CCDC30: variants seen among roughly 807,000 people sequenced by gnomAD.
CCDC30 encodes coiled-coil domain-containing protein 30.
CCDC30 carries 70 observed loss-of-function variants against 100.2 expected under a neutral mutation model. The ratio of observed to expected loss-of-function variants is 0.70; its 90% confidence interval spans 0.58 to 0.85. The LOEUF (loss-of-function observed/expected upper bound fraction) is 0.85, where lower values mean the gene tolerates loss of function less well. Among genes scored for constraint, CCDC30 ranks in the 40% least tolerant of loss-of-function variants. The pLI is 0.00. For synonymous variants in CCDC30, 233 were observed against 269.5 expected, an observed-to-expected ratio of 0.86 and a Z score of 1.33; for missense variants, 652 against 771.2, an observed-to-expected ratio of 0.85 and a Z score of 1.83.
chr1:42,480,991 G>C (rs745837940), intron 2 of CCDC30, among the ~76,000 whole-genome samples: 1 of 151,858 alleles, frequency 6.6e-6, no homozygotes, highest in Non-Finnish European at 1.5e-5. Flanking sequence ...GTGTGGTGTA[G>C]TTCCAGTTAC....
At chr1:42,506,979 T>G (rs1644404500) in intron 6 of CCDC30, among the ~76,000 whole-genome samples, 1 of 152,178 alleles carries the variant, frequency 6.6e-6, no homozygotes, top group South Asian at 2.1e-4. Flanking sequence ...CAGGCTGGAG[T>G]GCAATGGTGC....
intron 11 of CCDC30, among the ~76,000 whole-genome samples, chr1:42,635,584 C>T (rs1422033869): frequency 6.6e-6 from 1 of 150,972 alleles, no homozygotes; most frequent in Non-Finnish European, 1.5e-5. Context: ...CCAAGGCGGG[C>T]AGATCACGAG....
chr1:42,586,469 C>A (rs144396295), intron 9 of CCDC30, among the ~76,000 whole-genome samples: 199 of 151,882 alleles, frequency 1.3e-3, no homozygotes, highest in African/African-American at 4.6e-3. Context: ...ACATGCCCAG[C>A]TAATTAAAAA....
chr1:42,541,106 TTCTC>T (rs1313882929), intron 6 of CCDC30, among the ~76,000 whole-genome samples: 3 of 152,202 alleles, frequency 2.0e-5, no homozygotes, highest in African/African-American at 7.2e-5. Flanking sequence ...AAATATTTAT[TTCTC>T]TCAGTTCTAG....
chr1:42,468,036 T>A (rs1054318508), intron 1 of CCDC30, among the ~76,000 whole-genome samples: 1 of 152,246 alleles, frequency 6.6e-6, no homozygotes, highest in Non-Finnish European at 1.5e-5. Flanking sequence ...AGACTGTTAA[T>A]GGCTGTGTAG....
the CCDC30 span, chr1:42,457,033 G>GC: frequency 1.2e-6 from 2 of 1,601,494 alleles, no homozygotes; most frequent in Non-Finnish European, 1.7e-6. Flanking sequence ...CGGACTATTT[G>GC]CATCTGTTGC....
intron 14 of CCDC30, among the ~76,000 whole-genome samples, chr1:42,645,375 T>A (rs758325390): frequency 6.6e-6 from 1 of 151,726 alleles, no homozygotes; most frequent in Non-Finnish European, 1.5e-5. Context: ...GCAATTATGT[T>A]CCAAAAGTCC....
chr1:42,471,295 A>G (rs1199880858), intron 1 of CCDC30, among the ~76,000 whole-genome samples: 4 of 151,860 alleles, frequency 2.6e-5, no homozygotes, highest in Admixed American at 1.3e-4. Context: ...AGACTCCCCT[A>G]CTCCACCCCT....
At chr1:42,526,317 C>T (rs1193976789) in intron 6 of CCDC30, among the ~76,000 whole-genome samples, 1 of 152,074 alleles carries the variant, frequency 6.6e-6, no homozygotes, top group Non-Finnish European at 1.5e-5. Context: ...AAAATCTCAT[C>T]CTCATTATTC....
intron 8 of CCDC30, among the ~76,000 whole-genome samples, chr1:42,579,023 G>C: frequency 6.6e-6 from 1 of 151,840 alleles, no homozygotes; most frequent in Non-Finnish European, 1.5e-5. Flanking sequence ...ACAGAGTCTC[G>C]CTCTGTCACC....
At chr1:42,467,713 T>C (rs1643634201) in intron 1 of CCDC30, 1 of 152,210 alleles carries the variant, frequency 6.6e-6, no homozygotes, top group South Asian at 2.1e-4. Flanking sequence ...GAGTAGGCCC[T>C]CAGAGGCCAT....
At chr1:42,558,270 T>TA (rs1359416699) in intron 6 of CCDC30, 1 of 158,112 alleles carries the variant, frequency 6.3e-6, no homozygotes, top group Non-Finnish European at 1.4e-5. Flanking sequence ...ACAGTATCTC[T>TA]GTTTTGGTAT....
chr1:42,562,590 G>A (rs754496068), intron 6 of CCDC30, among the ~76,000 whole-genome samples: 37 of 152,042 alleles, frequency 2.4e-4, no homozygotes, highest in Non-Finnish European at 3.5e-4. Context: ...TGCAACAAAA[G>A]CCAAAATTGA....
chr1:42,558,219 G>T, intron 6 of CCDC30: 1 of 202,180 alleles, frequency 4.9e-6, no homozygotes, highest in Non-Finnish European at 1.1e-5. Flanking sequence ...AAACTTTTGG[G>T]CCTTTGTCCT....
At chr1:42,468,678 A>G (rs950180341) in intron 1 of CCDC30, 13 of 152,352 alleles carry the variant, frequency 8.5e-5, no homozygotes, top group African/African-American at 2.9e-4. Flanking sequence ...GGAGCATAGC[A>G]GAGAGAGATT....
At chr1:42,491,519 A>AAG (rs397827426) in intron 4 of CCDC30, among the ~76,000 whole-genome samples, 3 of 151,828 alleles carry the variant, frequency 2.0e-5, no homozygotes, top group Admixed American at 6.6e-5. Context: ...AAAAAAAAAA[A>AAG]GAAAGAATAA....
At chr1:42,490,254 G>T in intron 4 of CCDC30, 25 bp downstream of exon 4, 1 of 1,071,996 alleles carries the variant, frequency 9.3e-7, no homozygotes, top group South Asian at 4.7e-5. Flanking sequence ...AAGATATGAT[G>T]ATTATTATTT....
chr1:42,462,214 AG>A (rs936122606), upstream of CCDC30, among the ~76,000 whole-genome samples: 2 of 152,094 alleles, frequency 1.3e-5, no homozygotes, highest in African/African-American at 4.8e-5. Context: ...TAAAAATTCC[AG>A]GGGGGTGGGG....
chr1:42,582,897 C>T (rs72953720), intron 9 of CCDC30, among the ~76,000 whole-genome samples: 2,001 of 152,290 alleles, frequency 0.013, 41 homozygotes, highest in African/African-American at 0.046. Context: ...AAGCTTTGCT[C>T]CTGTCTGTAG....
Sources: gnomAD v4.1 joint callset for allele counts (sites outside exome capture counted in the v4.1 genomes callset) on GRCh38, gnomAD v4.1.1 for gene constraint, MANE v1.5 for transcripts, NCBI Gene and HGNC (gene_info 2026-07-23, HGNC 2026-07-21) for gene names.